The following F13B variants were observed in gnomAD, a reference collection of about 807,000 sequenced individuals.
F13B encodes coagulation factor XIII B chain.
F13B carries 58 observed loss-of-function variants against 79.8 expected under a neutral mutation model. That is an observed-to-expected ratio of 0.73 (90% confidence interval 0.59 to 0.90). The LOEUF (loss-of-function observed/expected upper bound fraction) is 0.90, where lower values mean the gene tolerates loss of function less well. F13B is among the 40% of genes least tolerant of loss of function. F13B has a pLI of 0.00. For missense variants in F13B, 773 were observed against 777.0 expected (o/e 0.99, Z 0.06); for synonymous variants, 283 against 260.3 (o/e 1.09, Z -0.84).
intron 9 of F13B, among the ~76,000 whole-genome samples, chr1:197,051,793 T>C (rs908073918): frequency 1.3e-5 from 2 of 152,174 alleles, no homozygotes; most frequent in Admixed American, 6.6e-5. Context: ...TTTTTCCTCA[T>C]ATGTTTGTTG....
At chr1:197,047,646 T>C (rs1214368033) in intron 10 of F13B, among the ~76,000 whole-genome samples, 2 of 152,198 alleles carry the variant, frequency 1.3e-5, no homozygotes, top group Non-Finnish European at 2.9e-5. Flanking sequence ...ACTGGGTATA[T>C]ACCCAAAGGA....
intron 7 of F13B, among the ~76,000 whole-genome samples, 189 bp from the exon 8 acceptor site, chr1:197,056,086 A>G (rs1655631583): frequency 6.6e-6 from 1 of 152,132 alleles, no homozygotes; most frequent in Admixed American, 6.6e-5. Flanking sequence ...GACAGCAAAT[A>G]TGTTACCTAA....
rs1259787479 is a variant in F13B, at chr1:197,052,647, T to G, written c.1542A>C (p.Leu514Phe). 3 of 1,609,200 alleles carry G rather than the reference T, an allele frequency of 1.9e-6. No homozygotes were observed. The highest frequency in any genetic ancestry group is 3.3e-5 in the Admixed American group (2 of 59,806). Residue 514 changes from leucine to phenylalanine, a missense_variant, in exon 9 of 12, where the codon TTA (leucine) becomes TTC (phenylalanine). By Grantham distance (22) the Leu-to-Phe change is conservative. Coordinates refer to ENST00000367412, the MANE Select transcript of F13B (RefSeq NM_001994.3). ...QCNRGEVKYP[L>F]CTRKESKGMC... ...TTATTATTTTACCTTTTCTAGTACATAAAGGATATTTCACTTCTCCTCTGT... is the reference window on the plus strand; with the variant it reads ...TTATTATTTTACCTTTTCTAGTACAGAAAGGATATTTCACTTCTCCTCTGT...
Position 197,039,321 on chromosome 1 carries a change from T to C in F13B, c.*57A>G. ...TTTAACTTATTTCCTCAAAATTATA[T>C]TTTATAAGGAATTTCATGATGTATT... is the stretch of plus-strand genomic sequence containing the variant. On this transcript the variant is annotated 3_prime_UTR_variant, in exon 12 of 12. Coordinates refer to ENST00000367412, the MANE Select transcript of F13B (RefSeq NM_001994.3). 1 of 1,420,648 alleles carries C rather than the reference T, an allele frequency of 7.0e-7. No homozygotes were observed. Among genetic ancestry groups the C allele is most frequent in the Non-Finnish European group, 9.9e-7 (1 of 1,013,402 alleles). The allele number at this position is 1,420,648 out of a possible 1,614,324, so 88.0% of individuals were successfully genotyped here.
In F13B at chr1:197,052,252, T is replaced by C. The variant is rs200562692; in HGVS notation, c.1555+382A>G. 2.0e-5 allele frequency among the ~76,000 whole-genome samples: 3 copies of C among 152,180 alleles called. No homozygotes were observed. The East Asian group carries it at 5.8e-4, about 29-fold the overall frequency. On this transcript the variant is annotated intron_variant, in intron 9 of 11. Transcript: ENST00000367412. Reference sequence around the variant, plus strand: ...ATTTCACACCAGTCAGAATGGCAATTACTAAAAAGCCAAGAAACAATAGAT... The same window carrying C: ...ATTTCACACCAGTCAGAATGGCAATCACTAAAAAGCCAAGAAACAATAGAT...
intron 10 of F13B, among the ~76,000 whole-genome samples, chr1:197,047,754 T>C (rs1395272503): frequency 6.6e-6 from 1 of 152,144 alleles, no homozygotes; most frequent in Non-Finnish European, 1.5e-5. Context: ...TGTCTATCAA[T>C]GATAGACTGG....
At chr1:197,066,715 G>A (rs978067422) in intron 1 of F13B, among the ~76,000 whole-genome samples, 1 of 152,060 alleles carries the variant, frequency 6.6e-6, no homozygotes, top group Non-Finnish European at 1.5e-5. Context: ...AGTCTCAAAA[G>A]TAAAAAATAT....
intron 11 of F13B, chr1:197,040,053 T>G (rs1039331406): frequency 6.5e-6 from 1 of 154,678 alleles, no homozygotes; most frequent in Non-Finnish European, 1.4e-5. Context: ...GCAGAGGATA[T>G]ATTTTTTAAA....
intron 4 of F13B, 83 bp from the exon 5 acceptor site, chr1:197,060,625 C>T: frequency 3.0e-6 from 3 of 988,628 alleles, no homozygotes; most frequent in Non-Finnish European, 4.5e-6. Context: ...CATGACATAA[C>T]TAGAATAGAA....
rs764124489 is a variant in F13B, at chr1:197,040,554, C to A, written c.1920G>T (p.Gln640His). 1.9e-6 allele frequency: 3 copies of A among 1,610,762 alleles called. No homozygotes were observed. Among genetic ancestry groups the A allele is most frequent in the Non-Finnish European group, 1.7e-6 (2 of 1,178,358 alleles). ...TTGGAATACATCTTGGATATTTTAA[C>A]TGCCCTCTGTCACATTGCATTCTAA... Reference protein sequence around the residue: ...SILRMQCDRGQLKYPRCIPRQ... With the variant: ...SILRMQCDRGHLKYPRCIPRQ... Residue 640 changes from glutamine (Q) to histidine (H), a missense_variant, in exon 11 of 12, where the codon CAG becomes CAT. Gln to His is a conservative substitution (Grantham distance 24, BLOSUM62 0). Transcript: ENST00000367412.
At chr1:197,051,513 A>G (rs1364636741) in intron 9 of F13B, among the ~76,000 whole-genome samples, 1 of 152,146 alleles carries the variant, frequency 6.6e-6, no homozygotes, top group East Asian at 1.9e-4. Flanking sequence ...AAGTAGAGCA[A>G]TGCTTTACAG....
At chr1:197,042,060 T>C (rs1051194269) in intron 10 of F13B, among the ~76,000 whole-genome samples, 3 of 152,214 alleles carry the variant, frequency 2.0e-5, no homozygotes, top group Non-Finnish European at 2.9e-5. Context: ...AAGTTGTTTA[T>C]TTCTGAAATT....
chr1:197,057,402 G>C lies in F13B; in HGVS notation c.869C>G (p.Thr290Arg). 2 of 1,613,952 alleles carry C rather than the reference G, an allele frequency of 1.2e-6. No homozygotes were observed. Among genetic ancestry groups the C allele is most frequent in the Non-Finnish European group, 8.5e-7 (1 of 1,179,902 alleles). ...AACTATTTCTCCATGACGATAAGTT[G>C]TTGAATGTGTTTGAATTTTGGAGTT... Reference protein sequence around the residue: ...PINSKIQTHSTTYRHGEIVHI... With the variant: ...PINSKIQTHSRTYRHGEIVHI... The change falls in exon 6 of 12, where the codon ACA becomes AGA. Residue 290 changes from threonine to arginine, a missense_variant. Physicochemically the swap from Thr to Arg is moderately conservative, Grantham distance 71. Transcript: ENST00000367412.
At chr1:197,039,742 T>C (rs376291708) in intron 11 of F13B, among the ~76,000 whole-genome samples, 1 of 152,116 alleles carries the variant, frequency 6.6e-6, no homozygotes. Flanking sequence ...AAATAAAAAT[T>C]TTTCCCACTA....
At chr1:197,054,363 A>G (rs1233840058) in intron 8 of F13B, among the ~76,000 whole-genome samples, 7 of 152,068 alleles carry the variant, frequency 4.6e-5, no homozygotes, top group African/African-American at 1.7e-4. Context: ...AAACATTTAT[A>G]AAAATATGAG....
chr1:197,054,591 T>C lies in F13B; in HGVS notation c.1354+1124A>G, dbSNP rs531672023. Among the ~76,000 whole-genome samples, 120 of 151,908 alleles carry C rather than the reference T, an allele frequency of 7.9e-4. 1 individual carries two copies. The highest frequency in any genetic ancestry group is 2.7e-3 in the African/African-American group (114 of 41,516). On this transcript the variant is annotated intron_variant, in intron 8 of 11. Transcript: ENST00000367412. ...TCTCAATTGGATAAAATAATTTATA[T>C]ATAGATTTATAAGTATGAAAAAATG...
intron 4 of F13B, 79 bp downstream of exon 4, chr1:197,060,820 G>T: frequency 7.7e-7 from 1 of 1,303,568 alleles, no homozygotes; most frequent in Non-Finnish European, 1.1e-6. Flanking sequence ...AACATAATGA[G>T]CATGACAACT....
intron 10 of F13B, among the ~76,000 whole-genome samples, chr1:197,041,890 C>G (rs774132154): frequency 6.6e-6 from 1 of 152,098 alleles, no homozygotes; most frequent in Non-Finnish European, 1.5e-5. Context: ...ATCTTAGCAA[C>G]CTCAGCATAC....
At position 197,050,800 on chromosome 1, in the gene F13B, A is replaced by AT; in HGVS notation, c.1634dup (p.Asn545LysfsTer11). 6.2e-7 allele frequency: 1 copy of AT among 1,613,384 alleles called. No individual in the cohort carries two copies. Among genetic ancestry groups the AT allele is most frequent in the South Asian group, 1.1e-5 (1 of 91,078 alleles). On this transcript the variant is annotated frameshift_variant, in exon 10 of 12. Coordinates refer to ENST00000367412, the MANE Select transcript of F13B (RefSeq NM_001994.3). LOFTEE classifies it high-confidence loss of function. ...AACATCTGTATTCTACTGAAGAGCC[A>AT]TTTTCATAGGTGTCTACTGTTGAAC...
Sources: gnomAD v4.1 joint callset for allele counts (sites outside exome capture counted in the v4.1 genomes callset) on GRCh38, gnomAD v4.1.1 for gene constraint, MANE v1.5 for transcripts, NCBI Gene and HGNC (gene_info 2026-07-23, HGNC 2026-07-21) for gene names.